SLC28A1: variants seen among roughly 807,000 people sequenced by gnomAD.
SLC28A1 encodes the protein solute carrier family 28 member 1.
In SLC28A1, 64 loss-of-function variants were observed where a neutral mutation model predicts 74.8. The ratio of observed to expected loss-of-function variants is 0.86; its 90% confidence interval spans 0.70 to 1.05. SLC28A1 has a LOEUF of 1.05. Among genes scored for constraint, SLC28A1 ranks in the 50% least tolerant of loss-of-function variants. SLC28A1 has a pLI of 0.00. For synonymous variants in SLC28A1, 359 were observed against 335.0 expected, an observed-to-expected ratio of 1.07 and a Z score of -0.78; for missense variants, 828 against 822.8, an observed-to-expected ratio of 1.01 and a Z score of -0.08.
downstream of SLC28A1, among the ~76,000 whole-genome samples, chr15:84,945,955 G>T (rs1275356956): frequency 6.7e-6 from 1 of 149,416 alleles, no homozygotes; most frequent in Non-Finnish European, 1.5e-5. Flanking sequence ...AACCTCTCAG[G>T]CTCAAGTGAT....
intron 1 of SLC28A1, among the ~76,000 whole-genome samples, chr15:84,885,459 C>T (rs759370234): frequency 4.0e-5 from 6 of 151,402 alleles, no homozygotes; most frequent in Non-Finnish European, 5.9e-5. Flanking sequence ...AGGCCAGGCG[C>T]GGTGGCTCAT....
At chr15:84,969,154 C>T in the SLC28A1 span, among the ~76,000 whole-genome samples, 9 of 152,212 alleles carry the variant, frequency 5.9e-5, no homozygotes, top group South Asian at 2.1e-4. Context: ...TGAGTCTCTG[C>T]GGAAGGACAG....
In SLC28A1 at chr15:84,945,391, T is replaced by A. The variant is rs575769131; in HGVS notation, c.*191T>A. The A allele has an allele frequency of 3.7e-5, 23 of 629,984 alleles. No individual in the cohort carries two copies. In the African/African-American group the frequency reaches 4.0e-4, roughly 11 times the overall value. 39.0% of individuals were successfully genotyped at this position (629,984 alleles called of 1,614,324 possible). Reference sequence around the variant, plus strand: ...GAGTGAGGACATAAGGAAGGACATGTCCCACTCCATCCCCCTTCCTGCTCC... The same window carrying A: ...GAGTGAGGACATAAGGAAGGACATGACCCACTCCATCCCCCTTCCTGCTCC... On this transcript the variant is annotated 3_prime_UTR_variant, in exon 19 of 19. Coordinates refer to ENST00000394573, the MANE Select transcript of SLC28A1 (RefSeq NM_004213.5).
At chr15:84,907,461 A>G (rs1967412384) in intron 8 of SLC28A1, among the ~76,000 whole-genome samples, 1 of 152,200 alleles carries the variant, frequency 6.6e-6, no homozygotes, top group Non-Finnish European at 1.5e-5. Context: ...CTGGGATTAT[A>G]GGCATAAGCC....
At chr15:84,908,581 G>C in intron 8 of SLC28A1, 137 bp from the exon 9 acceptor site, 4 of 719,736 alleles carry the variant, frequency 5.6e-6, no homozygotes, top group Non-Finnish European at 9.8e-6. Context: ...CACCTTGCCA[G>C]GTGGTGCCCC....
intron 5 of SLC28A1, among the ~76,000 whole-genome samples, chr15:84,892,193 T>C (rs77003198): frequency 1.3e-5 from 2 of 151,928 alleles, no homozygotes; most frequent in South Asian, 2.1e-4. Flanking sequence ...CTACAAAAAA[T>C]TTTAAAAATA....
chr15:84,888,378 C>G (rs1964854749), intron 3 of SLC28A1, among the ~76,000 whole-genome samples: 2 of 151,984 alleles, frequency 1.3e-5, no homozygotes, highest in South Asian at 4.1e-4. Flanking sequence ...TCCTTTCACG[C>G]TGTCATATGC....
intron 15 of SLC28A1, among the ~76,000 whole-genome samples, chr15:84,936,777 G>A (rs1971990206): frequency 1.3e-5 from 2 of 152,240 alleles, no homozygotes; most frequent in Admixed American, 6.5e-5. Flanking sequence ...TTTAGGTCAG[G>A]TGCAATGGCT....
chr15:84,951,548 G>A, the SLC28A1 span, among the ~76,000 whole-genome samples: 3 of 151,970 alleles, frequency 2.0e-5, no homozygotes, highest in African/African-American at 7.3e-5. Flanking sequence ...TCTCCTTTAT[G>A]TTATTATTTG....
chr15:84,917,080 A>G (rs922081086), intron 9 of SLC28A1, among the ~76,000 whole-genome samples: 3 of 151,986 alleles, frequency 2.0e-5, no homozygotes, highest in African/African-American at 7.2e-5. Flanking sequence ...ATTCAGAAAT[A>G]AAGAAAAAAG....
chr15:84,949,014 G>A (rs776943772), downstream of SLC28A1, among the ~76,000 whole-genome samples: 2 of 152,140 alleles, frequency 1.3e-5, no homozygotes, highest in Non-Finnish European at 2.9e-5. Flanking sequence ...TTGCCCATTA[G>A]TTTTAAAAAG....
intron 6 of SLC28A1, among the ~76,000 whole-genome samples, chr15:84,902,597 C>T (rs1203261620): frequency 6.6e-6 from 1 of 151,938 alleles, no homozygotes; most frequent in East Asian, 1.9e-4. Flanking sequence ...CTCTTGATTG[C>T]GGTGATGGTT....
At chr15:84,914,085 A>T (rs1968732796) in intron 9 of SLC28A1, among the ~76,000 whole-genome samples, 1 of 152,206 alleles carries the variant, frequency 6.6e-6, no homozygotes, top group Non-Finnish European at 1.5e-5. Context: ...AATAGCTGGG[A>T]CTGCAGGCAC....
intron 8 of SLC28A1, among the ~76,000 whole-genome samples, chr15:84,907,000 A>G (rs1967356226): frequency 6.6e-6 from 1 of 152,230 alleles, no homozygotes; most frequent in African/African-American, 2.4e-5. Context: ...GGTTGGCTTT[A>G]TAGACAGAGA....
chr15:84,960,746 C>G, the SLC28A1 span, among the ~76,000 whole-genome samples: 1 of 152,216 alleles, frequency 6.6e-6, no homozygotes, highest in African/African-American at 2.4e-5. Flanking sequence ...AGTTCCTGAG[C>G]TTCACAGTTC....
chr15:84,905,706 G>A (rs1966991480), intron 8 of SLC28A1, 54 bp downstream of exon 8: 2 of 1,292,682 alleles, frequency 1.5e-6, no homozygotes, highest in Admixed American at 1.7e-5. Context: ...GGGAGTAGGG[G>A]AGAAGCCACT....
the SLC28A1 span, among the ~76,000 whole-genome samples, chr15:84,965,418 G>C: frequency 1.3e-5 from 2 of 152,050 alleles, no homozygotes; most frequent in East Asian, 3.9e-4. Flanking sequence ...GCAGTTTTTT[G>C]GTGGCAATAC....
chr15:84,889,295 G>T (rs1283582073), intron 4 of SLC28A1, among the ~76,000 whole-genome samples: 1 of 152,234 alleles, frequency 6.6e-6, no homozygotes, highest in Admixed American at 6.5e-5. Context: ...GGATGGCATA[G>T]GCAGCGAGTG....
At chr15:84,944,014 A>G (rs1973012765) in intron 16 of SLC28A1, among the ~76,000 whole-genome samples, 1 of 152,158 alleles carries the variant, frequency 6.6e-6, no homozygotes, top group Non-Finnish European at 1.5e-5. Flanking sequence ...CTGGGCCTTG[A>G]AGGCCAAGCC....
Sources: gnomAD v4.1 joint callset for allele counts (sites outside exome capture counted in the v4.1 genomes callset) on GRCh38, gnomAD v4.1.1 for gene constraint, MANE v1.5 for transcripts, NCBI Gene and HGNC (gene_info 2026-07-23, HGNC 2026-07-21) for gene names.